Variants in CAMK1D observed in about 807,000 individuals in gnomAD.
CAMK1D encodes the protein calcium/calmodulin dependent protein kinase ID, also known as calcium/calmodulin-dependent protein kinase type 1D.
Under a neutral mutation model 47.7 loss-of-function variants are expected in CAMK1D, and 9 were observed. That is an observed-to-expected ratio of 0.19 (90% CI 0.11 to 0.33). CAMK1D has a LOEUF of 0.33. CAMK1D is among the 10% of genes least tolerant of loss of function. The probability of loss-of-function intolerance (pLI) is 1.00; values close to 1 mark genes in which losing one functional copy is unlikely to be tolerated. For synonymous variants in CAMK1D, 184 were observed against 184.9 expected, an observed-to-expected ratio of 0.99 and a Z score of 0.04; for missense variants, 291 against 488.7, an observed-to-expected ratio of 0.60 and a Z score of 3.81.
intron 1 of CAMK1D, among the ~76,000 whole-genome samples, chr10:12,442,064 T>TA (rs537590647): frequency 7.9e-5 from 12 of 152,348 alleles, no homozygotes; most frequent in Middle Eastern, 3.4e-3. Flanking sequence ...TTTGATGGTA[T>TA]AAAATGCAGC....
intron 1 of CAMK1D, among the ~76,000 whole-genome samples, chr10:12,379,307 T>C (rs1404488403): frequency 1.3e-5 from 2 of 152,242 alleles, no homozygotes; most frequent in African/African-American, 2.4e-5. Context: ...TCTGTCTGCA[T>C]GATGCTGAAC....
At chr10:12,587,474 G>A (rs576987249) in intron 2 of CAMK1D, among the ~76,000 whole-genome samples, 2 of 151,728 alleles carry the variant, frequency 1.3e-5, no homozygotes, top group African/African-American at 4.8e-5. Flanking sequence ...GAGGCTTGGC[G>A]GCATGTTAAA....
At chr10:12,367,008 A>G (rs1837856894) in intron 1 of CAMK1D, among the ~76,000 whole-genome samples, 1 of 152,120 alleles carries the variant, frequency 6.6e-6, no homozygotes, top group African/African-American at 2.4e-5. Context: ...CCCCATCTCT[A>G]TCCTCATGAC....
rs577764569 is a variant in CAMK1D at position 12,572,048 on chromosome 10, C to A, written c.224+18692C>A. 1.3e-4 allele frequency among the ~76,000 whole-genome samples: 20 copies of A among 148,774 alleles called. 1 individual carries two copies. The South Asian group carries it at 3.2e-3, about 24-fold the overall frequency. ...AGCACCCAAAAACTAAACCCCCCCC[C>A]AAAAAAAAAGTTCTGATAGAATACA... On this transcript the variant is annotated intron_variant, in intron 2 of 10. Transcript: ENST00000619168.
intron 2 of CAMK1D, among the ~76,000 whole-genome samples, chr10:12,649,027 C>T (rs776779292): frequency 6.6e-6 from 1 of 152,086 alleles, no homozygotes; most frequent in Admixed American, 6.5e-5. Context: ...CCACCATGCT[C>T]AGCTAATTTT....
At position 12,407,765 on chromosome 10, in the gene CAMK1D, A is replaced by T. The variant is rs530503998; in HGVS notation, c.92+57855A>T. ...TGCTTGAGCATTTTACAATGATTCA[A>T]GCTCTAGGTACTTCCCCCCCGGGAA... On this transcript the variant is annotated intron_variant, in intron 1 of 10. Transcript: ENST00000619168. Among the ~76,000 whole-genome samples the T allele has an allele frequency of 2.0e-5, 3 of 152,178 alleles. No homozygotes were observed. In the South Asian group the frequency reaches 6.2e-4, roughly 32 times the overall value.
At chr10:12,433,263 C>T (rs1247268697) in intron 1 of CAMK1D, among the ~76,000 whole-genome samples, 3 of 152,136 alleles carry the variant, frequency 2.0e-5, no homozygotes, top group Non-Finnish European at 2.9e-5. Flanking sequence ...GTTTGTGGAG[C>T]TTTGCTGATC....
At chr10:12,724,731 A>C (rs1313864529) in intron 3 of CAMK1D, among the ~76,000 whole-genome samples, 3 of 152,158 alleles carry the variant, frequency 2.0e-5, no homozygotes, top group African/African-American at 7.2e-5. Flanking sequence ...TGAATGAAAT[A>C]AAGCCCAGCT....
In CAMK1D at chr10:12,662,651, C is replaced by CAAAAAAAAAAAAAAA. The variant is rs56807588; in HGVS notation, c.225-4072_225-4071insAAAAAAAAAAAAAAA. Among the ~76,000 whole-genome samples the CAAAAAAAAAAAAAAA allele has an allele frequency of 3.0e-3, 418 of 140,344 alleles. 4 individuals are homozygous for CAAAAAAAAAAAAAAA. The highest frequency in any genetic ancestry group is 9.9e-3 in the African/African-American group (375 of 37,792). The allele number at this position is 140,344 out of a possible 152,430, so 92.1% of individuals were successfully genotyped here. On this transcript the variant is annotated intron_variant, in intron 2 of 10. Coordinates refer to ENST00000619168, the MANE Select transcript of CAMK1D (RefSeq NM_153498.4). ...TCGGAGACAGAGCAACACTCTGCCT[C>CAAAAAAAAAAAAAAA]AAAAAAAAAAAAAGGAGATTGTGTT...
chr10:12,488,058 C>T (rs1834268844), intron 1 of CAMK1D, among the ~76,000 whole-genome samples: 1 of 152,134 alleles, frequency 6.6e-6, no homozygotes, highest in Non-Finnish European at 1.5e-5. Flanking sequence ...CCTTCACAGC[C>T]ATCATTCCCT....
intron 5 of CAMK1D, among the ~76,000 whole-genome samples, chr10:12,782,047 G>A (rs563221308): frequency 6.6e-6 from 1 of 150,650 alleles, no homozygotes; most frequent in African/African-American, 2.5e-5. Context: ...ACAGCTCTAG[G>A]TGAAGGCTGA....
intron 1 of CAMK1D, among the ~76,000 whole-genome samples, chr10:12,416,539 A>C (rs1021861151): frequency 1.4e-4 from 21 of 152,170 alleles, no homozygotes; most frequent in African/African-American, 5.1e-4. Flanking sequence ...TCATTTATAA[A>C]CTGTCGGATG....
At chr10:12,515,418 C>CTTTTCT (rs1554780594) in intron 1 of CAMK1D, among the ~76,000 whole-genome samples, 13 of 99,008 alleles carry the variant, frequency 1.3e-4, no homozygotes, top group Non-Finnish European at 2.0e-4. Context: ...TTTTTTTTTT[C>CTTTTCT]TTTTTTTTTT....
At chr10:12,673,359 G>A (rs1433302583) in intron 3 of CAMK1D, among the ~76,000 whole-genome samples, 2 of 152,012 alleles carry the variant, frequency 1.3e-5, no homozygotes, top group South Asian at 2.1e-4. Context: ...CAGGATGTAG[G>A]TCTTCATATA....
At chr10:12,615,973 CATGT>C (rs1471614649) in intron 2 of CAMK1D, among the ~76,000 whole-genome samples, 1 of 147,830 alleles carries the variant, frequency 6.8e-6, no homozygotes, top group African/African-American at 2.5e-5. Flanking sequence ...TGTATGTGTG[CATGT>C]GTGTTGTGTC....
intron 2 of CAMK1D, among the ~76,000 whole-genome samples, chr10:12,570,723 G>T (rs930424364): frequency 6.6e-6 from 1 of 151,018 alleles, no homozygotes; most frequent in African/African-American, 2.4e-5. Context: ...GCAGCACTTT[G>T]GGAGGCTGAG....
chr10:12,767,650 G>T (rs1164987498), intron 4 of CAMK1D, among the ~76,000 whole-genome samples: 1 of 152,186 alleles, frequency 6.6e-6, no homozygotes, highest in African/African-American at 2.4e-5. Context: ...CATTGGCTAG[G>T]TATGAAAAGG....
At chr10:12,597,841 T>C (rs1166889753) in intron 2 of CAMK1D, among the ~76,000 whole-genome samples, 5 of 152,198 alleles carry the variant, frequency 3.3e-5, no homozygotes, top group Non-Finnish European at 5.9e-5. Context: ...TCTCACTGGA[T>C]CTCTGGGAGA....
intron 1 of CAMK1D, among the ~76,000 whole-genome samples, chr10:12,447,142 G>A (rs73569415): frequency 3.6e-3 from 541 of 152,188 alleles, no homozygotes; most frequent in African/African-American, 0.012. Flanking sequence ...CTGCAGAATG[G>A]TCTGTATCTC....
Sources: allele counts gnomAD v4.1 joint callset (sites outside exome capture counted in the v4.1 genomes callset), GRCh38; gene constraint gnomAD v4.1.1; transcripts MANE v1.5; gene names NCBI Gene and HGNC (gene_info 2026-07-23, HGNC 2026-07-21).